FOLH1: variants seen among roughly 807,000 people sequenced by gnomAD.
FOLH1 encodes glutamate carboxypeptidase 2.
Under a neutral mutation model 93.9 loss-of-function variants are expected in FOLH1, and 54 were observed. The ratio of observed to expected loss-of-function variants is 0.57; its 90% CI spans 0.46 to 0.72. The LOEUF (loss-of-function observed/expected upper bound fraction) is 0.72, where lower values mean the gene tolerates loss of function less well. Ranked by LOEUF, FOLH1 falls within the 30% of genes least tolerant of loss-of-function variation. The pLI is 0.00. For synonymous variants in FOLH1, 249 were observed against 303.6 expected (o/e 0.82, Z 1.87); for missense variants, 571 against 892.5 (o/e 0.64, Z 4.59).
chr11:49,208,380 C>G lies in FOLH1; in HGVS notation c.30G>C (p.Ser10=), dbSNP rs1469201578. Residue 10 remains serine, a synonymous_variant, in exon 1 of 19, where the codon TCG becomes TCC. Coordinates refer to ENST00000256999, the MANE Select transcript of FOLH1 (RefSeq NM_004476.3). ...GCGGGCGGCGCGCGGTGGCCACAGC[C>G]GAGTCGGTTTCGTGAAGGAGATTCC... is the stretch of plus-strand genomic sequence containing the variant. MWNLLHETD[S]AVATARRPRW... The G allele has an allele frequency of 2.5e-6, 4 of 1,603,820 alleles. No individual in the cohort carries two copies. The highest frequency in any genetic ancestry group is 1.7e-5 in the Admixed American group (1 of 59,224).
chr11:49,155,694 A>C (rs1182803344), intron 15 of FOLH1: 3 of 152,510 alleles, frequency 2.0e-5, no homozygotes, highest in Admixed American at 6.7e-5. Context: ...TATGAAATGG[A>C]AATAAGAAAC....
intron 17 of FOLH1, among the ~76,000 whole-genome samples, chr11:49,152,924 T>C (rs898163606): frequency 1.3e-5 from 2 of 152,164 alleles, no homozygotes; most frequent in African/African-American, 2.4e-5. Context: ...ATAGCAGTTA[T>C]AGCAGGTACT....
intron 7 of FOLH1, 97 bp from the exon 8 acceptor site, chr11:49,176,054 T>C: frequency 9.2e-7 from 1 of 1,085,262 alleles, no homozygotes; most frequent in South Asian, 1.3e-5. Context: ...CTGCTCATAA[T>C]ATCTTTAATG....
At chr11:49,147,021 C>A (rs1855845921) in intron 18 of FOLH1, 76 bp from the exon 19 acceptor site, 3 of 1,498,022 alleles carry the variant, frequency 2.0e-6, no homozygotes, top group Non-Finnish European at 2.7e-6. Context: ...CTCTGCAATT[C>A]CTGGATTGCA....
chr11:49,208,413 G>A lies in FOLH1; in HGVS notation c.-4C>T. On this transcript the variant is annotated 5_prime_UTR_variant, in exon 1 of 19. Transcript: ENST00000256999. ...TTTCGTGAAGGAGATTCCACATCTC[G>A]GCGCGAGCAGAGCCGGCCTCCCGGG... is the stretch of plus-strand genomic sequence containing the variant. The A allele has an allele frequency of 1.9e-6, 3 of 1,588,558 alleles. No homozygotes were observed. The highest frequency in any genetic ancestry group is 2.6e-6 in the Non-Finnish European group (3 of 1,164,420).
chr11:49,187,986 C>T (rs1290194110), intron 4 of FOLH1, among the ~76,000 whole-genome samples: 1 of 152,202 alleles, frequency 6.6e-6, no homozygotes, highest in Admixed American at 6.5e-5. Flanking sequence ...TGACTTCTCC[C>T]TCTGCCTAAT....
intron 12 of FOLH1, among the ~76,000 whole-genome samples, chr11:49,165,245 A>G (rs1389614556): frequency 1.3e-5 from 2 of 152,134 alleles, no homozygotes; most frequent in Non-Finnish European, 2.9e-5. Context: ...AAACATATTA[A>G]GTACTTGTCT....
Position 49,208,505 on chromosome 11 carries a change from A to C in FOLH1, c.-96T>G. 1 of 783,032 alleles carries C rather than the reference A, an allele frequency of 1.3e-6. No individual in the cohort carries two copies. Among genetic ancestry groups the C allele is most frequent in the Admixed American group, 2.8e-5 (1 of 36,170 alleles). 48.5% of individuals were successfully genotyped at this position (783,032 alleles called of 1,614,324 possible). A position where few individuals can be genotyped will look rare whatever the true frequency, so the allele number is the denominator to read the frequency against. On this transcript the variant is annotated 5_prime_UTR_variant, in exon 1 of 19. In the 5' UTR this introduces an upstream ATG that the reference lacks. Transcript: ENST00000256999. ...ACCACGGCGGGGTAAAGTCTCTCTC[A>C]ATCTCACTAATGCCTCGCTTATCAG...
At chr11:49,195,130 C>T (rs1354765429) in intron 3 of FOLH1, among the ~76,000 whole-genome samples, 4 of 152,056 alleles carry the variant, frequency 2.6e-5, no homozygotes, top group African/African-American at 2.4e-5. Context: ...CAAAGAAACA[C>T]AGAACGTCTA....
At chr11:49,193,942 G>T (rs1473301071) in intron 3 of FOLH1, among the ~76,000 whole-genome samples, 1 of 151,874 alleles carries the variant, frequency 6.6e-6, no homozygotes, top group African/African-American at 2.4e-5. Flanking sequence ...GGTGGATCAC[G>T]AGGTCAGGAG....
chr11:49,164,666 T>A, intron 13 of FOLH1, 39 bp downstream of exon 13: 1 of 1,386,628 alleles, frequency 7.2e-7, no homozygotes, highest in Non-Finnish European at 1.0e-6. Context: ...ACATCATTTG[T>A]AGAATTTGGG....
At chr11:49,201,874 A>G (rs1345859006) in intron 2 of FOLH1, among the ~76,000 whole-genome samples, 1 of 152,222 alleles carries the variant, frequency 6.6e-6, no homozygotes. Flanking sequence ...AAAGTGGGAG[A>G]AAATCATTAT....
chr11:49,200,976 A>C (rs1863198452), intron 2 of FOLH1, among the ~76,000 whole-genome samples: 1 of 152,066 alleles, frequency 6.6e-6, no homozygotes, highest in Admixed American at 6.5e-5. Flanking sequence ...AATCTCTTGC[A>C]CTCCATCTAT....
chr11:49,150,815 C>T (rs1856425013), intron 17 of FOLH1, among the ~76,000 whole-genome samples: 2 of 152,128 alleles, frequency 1.3e-5, no homozygotes, highest in Non-Finnish European at 2.9e-5. Flanking sequence ...AATTATTTCA[C>T]AATTTAATTA....
chr11:49,155,271 T>C (rs1178110982), intron 15 of FOLH1, among the ~76,000 whole-genome samples: 1 of 152,130 alleles, frequency 6.6e-6, no homozygotes, highest in Non-Finnish European at 1.5e-5. Flanking sequence ...TTTTCTTTGT[T>C]GTAATTTTTT....
chr11:49,173,522 A>G, intron 9 of FOLH1, 46 bp from the exon 10 acceptor site: 1 of 1,502,630 alleles, frequency 6.7e-7, no homozygotes, highest in Non-Finnish European at 8.9e-7. Flanking sequence ...AGGTCAATAA[A>G]AGAGAAAATT....
chr11:49,146,454 G>C lies in FOLH1; in HGVS notation c.*302C>G, dbSNP rs1247615881. ...TGTGTGAAGTGACATGAATAGATTA[G>C]ACTTGATTCCCTGATAATGCCAGAT... On this transcript the variant is annotated 3_prime_UTR_variant, in exon 19 of 19. Coordinates refer to ENST00000256999, the MANE Select transcript of FOLH1 (RefSeq NM_004476.3). 6.6e-6 allele frequency among the ~76,000 whole-genome samples: 1 copy of C among 152,074 alleles called. No individual in the cohort carries two copies. The highest frequency in any genetic ancestry group is 6.6e-5 in the Admixed American group (1 of 15,260).
chr11:49,149,748 A>G (rs2134847987), intron 17 of FOLH1, among the ~76,000 whole-genome samples: 1 of 152,304 alleles, frequency 6.6e-6, no homozygotes, highest in East Asian at 1.9e-4. Context: ...GAATTTTCTC[A>G]GTTAAAATAC....
chr11:49,192,951 T>C, intron 3 of FOLH1, 57 bp from the exon 4 acceptor site: 2 of 1,404,690 alleles, frequency 1.4e-6, no homozygotes, highest in Non-Finnish European at 1.9e-6. Flanking sequence ...ATTACTGTAA[T>C]CAAACACAAA....
Sources: gnomAD v4.1 joint callset for allele counts (sites outside exome capture counted in the v4.1 genomes callset) on GRCh38, gnomAD v4.1.1 for gene constraint, MANE v1.5 for transcripts, NCBI Gene and HGNC (gene_info 2026-07-23, HGNC 2026-07-21) for gene names.